The following TRMT9B variants were observed in gnomAD, a reference collection of about 807,000 sequenced individuals.
TRMT9B encodes the protein tRNA methyltransferase 9B (putative).
TRMT9B carries 16 observed loss-of-function variants against 11.5 expected under a neutral mutation model. That is an observed-to-expected ratio of 1.39 (90% CI 0.94 to 2.11). The LOEUF is 2.11. Among genes scored for constraint, TRMT9B ranks in the 30% most tolerant of loss-of-function variants. The pLI is 0.00. For missense variants in TRMT9B, 941 were observed against 553.8 expected, an observed-to-expected ratio of 1.70 and a Z score of -7.02; for synonymous variants, 274 against 192.4, an observed-to-expected ratio of 1.42 and a Z score of -3.51.
In TRMT9B at chr8:13,022,106, T is replaced by C; in HGVS notation, c.*62T>C. 5.0e-6 allele frequency: 6 copies of C among 1,211,360 alleles called. No individual in the cohort carries two copies. Among genetic ancestry groups the C allele is most frequent in the Non-Finnish European group, 6.9e-6 (6 of 871,204 alleles). 75.0% of individuals were successfully genotyped at this position (1,211,360 alleles called of 1,614,324 possible). A position where few individuals can be genotyped will look rare whatever the true frequency, so the allele number is the denominator to read the frequency against. On this transcript the variant is annotated 3_prime_UTR_variant, in exon 5 of 5. Coordinates refer to ENST00000524591, the MANE Select transcript of TRMT9B (RefSeq NM_020844.3). ...CACATTCTTTCCTCTTGGTTTGATA[T>C]GGTTACCTGAATTTGCATTCAGTGT...
Position 13,012,735 on chromosome 8 carries a change from G to A in TRMT9B, c.206G>A (p.Gly69Asp), listed in dbSNP as rs1443130974. Residue 69 changes from glycine to aspartate, a missense_variant, in exon 4 of 5, where the codon GGC (glycine) becomes GAC (aspartate). By Grantham distance (94) the Gly-to-Asp change is moderately conservative. Transcript: ENST00000524591. ...LKVNSQVHTV[G>D]CDYCGPLVEI... Reference sequence around the variant, plus strand: ...GTGAACAGCCAGGTACATACCGTGGGCTGTGACTACTGTGGGCCACTGGTA... The same window carrying A: ...GTGAACAGCCAGGTACATACCGTGGACTGTGACTACTGTGGGCCACTGGTA... 2.5e-6 allele frequency: 4 copies of A among 1,613,868 alleles called. No homozygotes were observed. In the African/African-American group the frequency reaches 5.3e-5, roughly 22 times the overall value.
chr8:13,029,272 G>C lies in TRMT9B; in HGVS notation c.*7228G>C, dbSNP rs1815087297. Reference sequence around the variant, plus strand: ...CTTCTCGTGTTGATACGTGTATTTGGGTCAAAAGTGCAAAAACTTTTTTCT... The same window carrying C: ...CTTCTCGTGTTGATACGTGTATTTGCGTCAAAAGTGCAAAAACTTTTTTCT... On this transcript the variant is annotated 3_prime_UTR_variant, in exon 5 of 5. Coordinates refer to ENST00000524591, the MANE Select transcript of TRMT9B (RefSeq NM_020844.3). The C allele has an allele frequency of 6.0e-6, 1 of 166,726 alleles. No individual in the cohort carries two copies. The highest frequency in any genetic ancestry group is 1.5e-5 in the Non-Finnish European group (1 of 68,068). The allele number at this position is 166,726 out of a possible 1,614,324, so 10.3% of individuals were successfully genotyped here. A position where few individuals can be genotyped will look rare whatever the true frequency, so the allele number is the denominator to read the frequency against.
rs185846717 is a variant in TRMT9B, at chr8:12,977,782, G to C, written c.-199-13052G>C. ...GTAATCTCAACACTTTGGGAGGCTG[G>C]GGCAGGAGGATGGCTTGAGGCCAGG... On this transcript the variant is annotated intron_variant, in intron 1 of 4. Coordinates refer to ENST00000524591, the MANE Select transcript of TRMT9B (RefSeq NM_020844.3). 1.1e-4 allele frequency among the ~76,000 whole-genome samples: 17 copies of C among 152,108 alleles called. No individual in the cohort carries two copies. In the East Asian group the frequency reaches 3.3e-3, roughly 29 times the overall value.
At chr8:12,984,964 C>CAG (rs1237830653) in intron 1 of TRMT9B, among the ~76,000 whole-genome samples, 1 of 139,928 alleles carries the variant, frequency 7.1e-6, no homozygotes, top group Admixed American at 7.0e-5. Context: ...TACACACACA[C>CAG]ACACACACAC....
intron 1 of TRMT9B, among the ~76,000 whole-genome samples, chr8:12,951,127 G>A (rs564074148): frequency 6.6e-6 from 1 of 152,228 alleles, no homozygotes; most frequent in African/African-American, 2.4e-5. Context: ...CCAGTTTTGG[G>A]CAAAAACTTC....
chr8:12,956,430 A>C (rs138044191), intron 1 of TRMT9B, among the ~76,000 whole-genome samples: 155 of 152,348 alleles, frequency 1.0e-3, no homozygotes, highest in South Asian at 5.8e-3. Context: ...AAAAAGCATC[A>C]AGCAAATGAA....
At chr8:12,953,884 G>A (rs1247231810) in intron 1 of TRMT9B, among the ~76,000 whole-genome samples, 1 of 152,146 alleles carries the variant, frequency 6.6e-6, no homozygotes, top group Admixed American at 6.5e-5. Context: ...AAGAACTGCT[G>A]CTTTATTAAC....
At chr8:13,013,642 C>G (rs1328415498) in intron 4 of TRMT9B, among the ~76,000 whole-genome samples, 1 of 151,950 alleles carries the variant, frequency 6.6e-6, no homozygotes, top group Non-Finnish European at 1.5e-5. Flanking sequence ...ATTACTTGTC[C>G]CAATACACTC....
chr8:13,028,177 T>C lies in TRMT9B; in HGVS notation c.*6133T>C, dbSNP rs498216. On this transcript the variant is annotated 3_prime_UTR_variant, in exon 5 of 5. Coordinates refer to ENST00000524591, the MANE Select transcript of TRMT9B (RefSeq NM_020844.3). ...TTACATCACATACTCTGTCCTCTTG[T>C]GGTGCGGGTCTTCCCCAGTTGATTA... 0.93 allele frequency: 155,885 copies of C among 167,120 alleles called. 73,329 individuals are homozygous for C. Among genetic ancestry groups the C allele is most frequent in the East Asian group, 0.99 (5,130 of 5,164 alleles). The allele number at this position is 167,120 out of a possible 1,614,324, so 10.4% of individuals were successfully genotyped here.
intron 1 of TRMT9B, among the ~76,000 whole-genome samples, chr8:12,986,964 C>T (rs1806419442): frequency 6.6e-6 from 1 of 152,232 alleles, no homozygotes; most frequent in Non-Finnish European, 1.5e-5. Context: ...CCGAGATCAA[C>T]TTTTGTCATT....
chr8:12,978,167 A>G (rs1231928986), intron 1 of TRMT9B, among the ~76,000 whole-genome samples: 1 of 152,216 alleles, frequency 6.6e-6, no homozygotes. Flanking sequence ...AGGCCTCCTG[A>G]GCAAATAATG....
intron 3 of TRMT9B, chr8:13,011,748 A>G: frequency 2.1e-6 from 2 of 967,954 alleles, no homozygotes; most frequent in Non-Finnish European, 2.5e-6. Flanking sequence ...TTGTCTATTT[A>G]AGAAAAAAAG....
rs187781554 is a variant in TRMT9B at position 12,964,723 on chromosome 8, C to T, written c.-200+18757C>T. Among the ~76,000 whole-genome samples the T allele has an allele frequency of 7.8e-4, 118 of 150,760 alleles. 1 individual carries two copies. Among genetic ancestry groups the T allele is most frequent in the African/African-American group, 2.8e-3 (115 of 40,912 alleles). ...CTGAGTAACTTGGACTATAAGCATG[C>T]CACCACACCAGGCTAATGTTTTTTG... On this transcript the variant is annotated intron_variant, in intron 1 of 4. Transcript: ENST00000524591.
At chr8:13,018,829 C>A (rs940860802) in intron 4 of TRMT9B, among the ~76,000 whole-genome samples, 1 of 152,054 alleles carries the variant, frequency 6.6e-6, no homozygotes, top group Non-Finnish European at 1.5e-5. Context: ...TCACAGTCTT[C>A]CAAGGCTTAG....
At chr8:12,952,688 A>G in intron 1 of TRMT9B, 1 of 984,790 alleles carries the variant, frequency 1.0e-6, no homozygotes, top group Non-Finnish European at 1.2e-6. Context: ...TTTAAGAAGG[A>G]ATGCCAAAAT....
chr8:12,965,242 T>A (rs1000593725), intron 1 of TRMT9B, among the ~76,000 whole-genome samples: 1 of 152,186 alleles, frequency 6.6e-6, no homozygotes, highest in Non-Finnish European at 1.5e-5. Context: ...TGAATTGGTT[T>A]TTGTAGGTAT....
intron 2 of TRMT9B, among the ~76,000 whole-genome samples, chr8:13,001,435 C>A (rs1034247415): frequency 6.6e-6 from 1 of 152,196 alleles, no homozygotes; most frequent in African/African-American, 2.4e-5. Flanking sequence ...AAAACGTTTA[C>A]CGTCTCATAC....
intron 1 of TRMT9B, chr8:12,958,296 G>C (rs1801582640): frequency 6.6e-6 from 1 of 152,196 alleles, no homozygotes. Context: ...GTGAATATGA[G>C]TGTACGGATA....
At chr8:13,012,210 C>G (rs189266883) in intron 3 of TRMT9B, 2 of 984,938 alleles carry the variant, frequency 2.0e-6, no homozygotes, top group African/African-American at 3.5e-5. Context: ...TGTAAGTATT[C>G]GCCGAAGGCT....
Sources: gnomAD v4.1 joint callset for allele counts (sites outside exome capture counted in the v4.1 genomes callset) on GRCh38, gnomAD v4.1.1 for gene constraint, MANE v1.5 for transcripts, NCBI Gene and HGNC (gene_info 2026-07-23, HGNC 2026-07-21) for gene names.